CLCA1: variants seen among roughly 807,000 people sequenced by gnomAD.
The protein encoded by CLCA1 is chloride channel accessory 1, also known as calcium-activated chloride channel regulator 1.
In CLCA1, 59 loss-of-function variants were observed where a neutral mutation model predicts 85.6. That is an observed-to-expected ratio of 0.69 (90% CI 0.56 to 0.86). The LOEUF (loss-of-function observed/expected upper bound fraction) is 0.86. Among genes scored for constraint, CLCA1 ranks in the 40% least tolerant of loss-of-function variants. The pLI is 0.00. For missense variants in CLCA1, 1,022 were observed against 1,101.4 expected (o/e 0.93, Z 1.02); for synonymous variants, 396 against 398.3 (o/e 0.99, Z 0.07).
chr1:86,489,197 G>C, intron 8 of CLCA1, 27 bp downstream of exon 8: 3 of 1,602,526 alleles, frequency 1.9e-6, no homozygotes, highest in Non-Finnish European at 2.6e-6. Context: ...TGAGACCCCC[G>C]GTATTGTCTC....
rs1047983839 is a variant in CLCA1 at position 86,494,096 on chromosome 1, A to G, written c.1681-91A>G. Reference sequence around the variant, plus strand: ...TCTTAGATATGCTTCCAACATGCTTATATCAGAGGGTTTTCCCGTACGTGA... The same window carrying G: ...TCTTAGATATGCTTCCAACATGCTTGTATCAGAGGGTTTTCCCGTACGTGA... On this transcript the variant is annotated intron_variant, in intron 10 of 13. Transcript: ENST00000394711. 8 of 1,412,170 alleles carry G rather than the reference A, an allele frequency of 5.7e-6. 1 individual carries two copies. The South Asian group carries it at 7.7e-5, about 14-fold the overall frequency. 87.5% of individuals were successfully genotyped at this position (1,412,170 alleles called of 1,614,324 possible).
At chr1:86,474,432 T>C (rs1291870001) in intron 3 of CLCA1, among the ~76,000 whole-genome samples, 1 of 152,074 alleles carries the variant, frequency 6.6e-6, no homozygotes, top group Non-Finnish European at 1.5e-5. Context: ...CGGACGCCTG[T>C]AGTCCCAGCT....
chr1:86,498,260 G>A (rs1175985332), intron 12 of CLCA1, among the ~76,000 whole-genome samples: 1 of 151,966 alleles, frequency 6.6e-6, no homozygotes, highest in Non-Finnish European at 1.5e-5. Context: ...AGATCAGGAT[G>A]GGCAAAAAGA....
chr1:86,485,479 A>G lies in CLCA1; in HGVS notation c.872A>G (p.Gln291Arg), dbSNP rs2101738420. ...AAGAAAACCACTCCTATGACAACACAGCCACCAAATCCCACCTTCTCATTG... is the reference window on the plus strand; with the variant it reads ...AAGAAAACCACTCCTATGACAACACGGCCACCAAATCCCACCTTCTCATTG... The part of the protein sequence containing the change: ...DFKKTTPMTT[Q>R]PPNPTFSLLQ... The change falls in exon 6 of 14, where the codon CAG becomes CGG. Residue 291 changes from glutamine to arginine, a missense_variant. Gln to Arg is a conservative substitution (Grantham distance 43). Coordinates refer to ENST00000394711, the MANE Select transcript of CLCA1 (RefSeq NM_001285.4). 3 of 1,614,208 alleles carry G rather than the reference A, an allele frequency of 1.9e-6. No individual in the cohort carries two copies. Among genetic ancestry groups the G allele is most frequent in the Middle Eastern group, 3.3e-4 (2 of 6,062 alleles).
At chr1:86,486,240 C>A (rs189590846) in intron 6 of CLCA1, among the ~76,000 whole-genome samples, 1 of 152,176 alleles carries the variant, frequency 6.6e-6, no homozygotes, top group South Asian at 2.1e-4. Flanking sequence ...AGAGCCAAAC[C>A]GTATCACCTG....
In CLCA1 at chr1:86,498,494, G is replaced by A; in HGVS notation, c.2114-78G>A. On this transcript the variant is annotated intron_variant, in intron 12 of 13. Coordinates refer to ENST00000394711, the MANE Select transcript of CLCA1 (RefSeq NM_001285.4). ...CAGAAGTGGGGAACAGGAAGAGGGT[G>A]ATCTGATAAGAAAACAGACGGAGGT... The A allele has an allele frequency of 4.9e-6, 7 of 1,418,336 alleles. No individual in the cohort carries two copies. In the South Asian group the frequency reaches 5.0e-5, roughly 10 times the overall value. The allele number at this position is 1,418,336 out of a possible 1,614,324, so 87.9% of individuals were successfully genotyped here.
intron 13 of CLCA1, 79 bp downstream of exon 13, chr1:86,498,890 C>T (rs866585952): frequency 3.1e-5 from 47 of 1,505,654 alleles, no homozygotes; most frequent in Admixed American, 6.0e-5. Flanking sequence ...GGCAGGCAGC[C>T]GTGTTCTGAT....
intron 12 of CLCA1, among the ~76,000 whole-genome samples, chr1:86,497,303 C>G (rs746443970): frequency 6.6e-6 from 1 of 152,178 alleles, no homozygotes. Context: ...GAACCCTGAA[C>G]CTGCTAGAGC....
Position 86,491,267 on chromosome 1 carries a change from G to C in CLCA1, c.1360G>C (p.Gly454Arg). 2 of 1,607,790 alleles carry C rather than the reference G, an allele frequency of 1.2e-6. No individual in the cohort carries two copies. Among genetic ancestry groups the C allele is most frequent in the Non-Finnish European group, 1.7e-6 (2 of 1,175,950 alleles). ...CTGAAAATGTAATTGCATTTTAGGA[G>C]GTTTACAGACATATGCTTCAGATCA... ...ELEELSKMTG[G>R]LQTYASDQVQ... Residue 454 changes from glycine to arginine, a missense_variant and splice_region_variant, in exon 9 of 14, where the codon GGT becomes CGT. Gly to Arg is a moderately radical substitution (Grantham distance 125). Coordinates refer to ENST00000394711, the MANE Select transcript of CLCA1 (RefSeq NM_001285.4).
At chr1:86,470,286 C>T (rs1229514932) in intron 1 of CLCA1, among the ~76,000 whole-genome samples, 1 of 152,198 alleles carries the variant, frequency 6.6e-6, no homozygotes, top group Non-Finnish European at 1.5e-5. Context: ...CACCATAAAG[C>T]TTACCTACTT....
At chr1:86,495,701 G>T (rs752826413) in intron 12 of CLCA1, 26 bp downstream of exon 12, 1 of 1,584,348 alleles carries the variant, frequency 6.3e-7, no homozygotes, top group South Asian at 1.1e-5. Context: ...TAACATACCT[G>T]GCTTGTGCAA....
At chr1:86,470,513 G>A (rs914835316) in intron 1 of CLCA1, among the ~76,000 whole-genome samples, 1 of 152,200 alleles carries the variant, frequency 6.6e-6, no homozygotes, top group Non-Finnish European at 1.5e-5. Context: ...TTCAGTGACC[G>A]TGGTAATTTG....
At chr1:86,479,445 A>G (rs887514896) in intron 4 of CLCA1, among the ~76,000 whole-genome samples, 2 of 152,234 alleles carry the variant, frequency 1.3e-5, no homozygotes, top group Admixed American at 6.5e-5. Flanking sequence ...ATGAAACGCT[A>G]ATCAAAAGTA....
intron 6 of CLCA1, 96 bp downstream of exon 6, chr1:86,485,657 G>C: frequency 1.9e-6 from 2 of 1,079,188 alleles, no homozygotes; most frequent in Non-Finnish European, 2.8e-6. Context: ...CATAACCCGA[G>C]GGCCAGAATA....
chr1:86,496,232 T>A (rs1038509462), intron 12 of CLCA1, among the ~76,000 whole-genome samples: 1 of 152,240 alleles, frequency 6.6e-6, no homozygotes, highest in African/African-American at 2.4e-5. Flanking sequence ...TTCTTTCCAT[T>A]GAAGCATTTC....
At chr1:86,488,787 A>G (rs1433464957) in intron 7 of CLCA1, among the ~76,000 whole-genome samples, 1 of 152,124 alleles carries the variant, frequency 6.6e-6, no homozygotes, top group African/African-American at 2.4e-5. Context: ...TCTGCAGCAG[A>G]CCAGCCAAGG....
chr1:86,480,239 A>G (rs1558136868), intron 4 of CLCA1, among the ~76,000 whole-genome samples: 1 of 152,174 alleles, frequency 6.6e-6, no homozygotes, highest in East Asian at 1.9e-4. Flanking sequence ...TAAACTAAAT[A>G]AAAAGGAAAA....
chr1:86,494,542 C>A, intron 11 of CLCA1, 94 bp downstream of exon 11: 1 of 1,319,748 alleles, frequency 7.6e-7, no homozygotes, highest in Non-Finnish European at 1.1e-6. Flanking sequence ...GGCAGTTAGA[C>A]AGGCAAGGCA....
rs111337245 is a variant in CLCA1, at chr1:86,486,732, C to T, written c.1161C>T (p.Ser387=). ...CTTCAGGAGGGACGTCCATCTGCAG[C>T]GGGCTTCGATCGGCATTTACTGTGA... ...AAASGGTSIC[S]GLRSAFTVIR... is the part of the protein sequence containing the mutation. Residue 387 remains serine, a synonymous_variant, in exon 7 of 14, where the codon AGC becomes AGT. Transcript: ENST00000394711. The T allele has an allele frequency of 2.4e-5, 38 of 1,614,062 alleles. No homozygotes were observed. Among genetic ancestry groups the T allele is most frequent in the Admixed American group, 3.3e-5 (2 of 60,010 alleles).
Sources: gnomAD v4.1 joint callset for allele counts (sites outside exome capture counted in the v4.1 genomes callset) on GRCh38, gnomAD v4.1.1 for gene constraint, MANE v1.5 for transcripts, NCBI Gene and HGNC (gene_info 2026-07-23, HGNC 2026-07-21) for gene names.